CUBN: variants seen among roughly 807,000 people sequenced by gnomAD.
CUBN encodes cubilin.
Under a neutral mutation model 405.3 loss-of-function variants are expected in CUBN, and 282 were observed. The observed-to-expected ratio is 0.70, with a 90% CI of 0.63 to 0.77. The LOEUF is 0.77. Ranked by LOEUF, CUBN falls within the 30% of genes least tolerant of loss-of-function variation. The probability of loss-of-function intolerance (pLI) is 0.00; values close to 1 mark genes in which losing one functional copy is unlikely to be tolerated. For missense variants in CUBN, 4,514 were observed against 4,475.2 expected (o/e 1.01, Z -0.25); for synonymous variants, 1,684 against 1,617.0 (o/e 1.04, Z -0.99).
chr10:16,909,165 G>A (rs1402397906), intron 48 of CUBN, among the ~76,000 whole-genome samples: 6 of 152,122 alleles, frequency 3.9e-5, no homozygotes, highest in Non-Finnish European at 7.4e-5. Context: ...GATTACAGGC[G>A]TGAGCCACCG....
At chr10:16,834,948 G>A (rs1479685714) in intron 64 of CUBN, 66 bp downstream of exon 64, 3 of 1,459,346 alleles carry the variant, frequency 2.1e-6, no homozygotes, top group Non-Finnish European at 2.9e-6. Flanking sequence ...GATAAAAGGT[G>A]TAAAATCTTA....
intron 56 of CUBN, among the ~76,000 whole-genome samples, chr10:16,884,461 T>C (rs11254260): frequency 0.055 from 8,410 of 152,102 alleles, 772 homozygotes; most frequent in East Asian, 0.32. Flanking sequence ...AATTTTGGAC[T>C]GTTTAATATT....
chr10:16,901,485 A>G (rs750129049), intron 51 of CUBN, 26 bp from the exon 52 acceptor site: 21 of 1,613,856 alleles, frequency 1.3e-5, no homozygotes, highest in Non-Finnish European at 1.7e-5. Context: ...TAACCCTCTC[A>G]ATAAAACAGA....
chr10:17,111,005 T>G lies in CUBN; in HGVS notation c.929A>C (p.Glu310Ala), dbSNP rs1372338282. ...GYICEDINEC[E>A]INNGGCSVAP... ...CACAGAACAGCCGCCGTTATTTATC[T>G]CACATTCATTGATATCTTCGCAAAT... The change falls in exon 9 of 67, where the codon GAG becomes GCG. Residue 310 changes from glutamate (E) to alanine (A), a missense_variant. By Grantham distance (107) the Glu-to-Ala change is moderately radical. This residue lies in a region of CUBN where 1,448 missense variants were observed against 1,388.0 expected (regional missense o/e 1.04). Transcript: ENST00000377833. The G allele has an allele frequency of 3.1e-6, 5 of 1,614,170 alleles. No individual in the cohort carries two copies. The highest frequency in any genetic ancestry group is 4.2e-6 in the Non-Finnish European group (5 of 1,180,008).
intron 48 of CUBN, among the ~76,000 whole-genome samples, chr10:16,907,958 A>C (rs1386831326): frequency 6.6e-6 from 1 of 152,146 alleles, no homozygotes; most frequent in Non-Finnish European, 1.5e-5. Flanking sequence ...TGCAACTGGA[A>C]ACTGTGCTCT....
intron 65 of CUBN, among the ~76,000 whole-genome samples, chr10:16,829,343 A>G (rs577370422): frequency 9.2e-3 from 303 of 32,856 alleles, no homozygotes; most frequent in Middle Eastern, 0.027. Context: ...AGCAGAATGG[A>G]AAAAAAAAAA....
Position 16,994,850 on chromosome 10 carries a change from G to A in CUBN, c.4169-4335C>T, listed in dbSNP as rs117688784. Reference sequence around the variant, plus strand: ...CACACCTGTAATCCCAACACTTTAGGAGACCAAGGTGGGCAGATCACCTGA... The same window carrying A: ...CACACCTGTAATCCCAACACTTTAGAAGACCAAGGTGGGCAGATCACCTGA... On this transcript the variant is annotated intron_variant, in intron 28 of 66. Transcript: ENST00000377833. Among the ~76,000 whole-genome samples the A allele has an allele frequency of 2.0e-5, 3 of 152,254 alleles. No homozygotes were observed. In the East Asian group the frequency reaches 5.8e-4, roughly 29 times the overall value.
At chr10:16,841,816 G>T (rs1235594534) in intron 60 of CUBN, among the ~76,000 whole-genome samples, 2 of 148,776 alleles carry the variant, frequency 1.3e-5, no homozygotes, top group Admixed American at 1.4e-4. Context: ...GGGAGGCTGA[G>T]GCAGGAGAAT....
chr10:16,917,699 A>T (rs1841921270), intron 45 of CUBN, among the ~76,000 whole-genome samples: 1 of 152,200 alleles, frequency 6.6e-6, no homozygotes, highest in African/African-American at 2.4e-5. Flanking sequence ...AAGTTTACTA[A>T]GATTACTTTT....
intron 59 of CUBN, among the ~76,000 whole-genome samples, chr10:16,855,030 TTCTC>T (rs995269902): frequency 1.0e-4 from 14 of 135,472 alleles, no homozygotes; most frequent in African/African-American, 2.6e-4. Flanking sequence ...CTCTCTCTCT[TTCTC>T]TCTATCTCTC....
chr10:16,917,228 T>G (rs563244293), intron 45 of CUBN, among the ~76,000 whole-genome samples: 169 of 152,324 alleles, frequency 1.1e-3, no homozygotes, highest in African/African-American at 3.8e-3. Flanking sequence ...TAGAGTTACC[T>G]GGTTCTTAAA....
At chr10:16,925,905 G>A in intron 41 of CUBN, 131 bp from the exon 42 acceptor site, 1 of 778,444 alleles carries the variant, frequency 1.3e-6, no homozygotes, top group South Asian at 1.5e-5. Context: ...CCAGAGTGCA[G>A]GAAATGATTA....
chr10:16,850,766 C>T (rs971930493), intron 60 of CUBN, among the ~76,000 whole-genome samples: 7 of 152,198 alleles, frequency 4.6e-5, no homozygotes, highest in African/African-American at 1.7e-4. Context: ...AGCCACAGTG[C>T]CCAGCCTTTA....
chr10:17,084,434 G>A lies in CUBN; in HGVS notation c.2138C>T (p.Thr713Met), dbSNP rs141420691. The change falls in exon 17 of 67, where the codon ACG becomes ATG. Residue 713 changes from threonine to methionine, a missense_variant. Coordinates refer to ENST00000377833, the MANE Select transcript of CUBN (RefSeq NM_001081.4). ...PSDLRCGGNY[T>M]DPEGELFLPE... Reference sequence around the variant, plus strand: ...CAAGAAGAGTTCACCCTCTGGGTCCGTGTAGTTCCCACCACAACGCAGATC... The same window carrying A: ...CAAGAAGAGTTCACCCTCTGGGTCCATGTAGTTCCCACCACAACGCAGATC... The A allele has an allele frequency of 1.3e-4, 217 of 1,613,644 alleles. 1 individual carries two copies. In the Admixed American group the frequency reaches 2.1e-3, roughly 16 times the overall value.
At chr10:16,982,371 T>G in intron 31 of CUBN, 113 bp downstream of exon 31, 2 of 961,390 alleles carry the variant, frequency 2.1e-6, no homozygotes, top group Non-Finnish European at 3.3e-6. Flanking sequence ...TTTGGTTTCC[T>G]ATGAATCGAC....
At chr10:16,848,517 C>T (rs1381647152) in intron 60 of CUBN, among the ~76,000 whole-genome samples, 2 of 151,864 alleles carry the variant, frequency 1.3e-5, no homozygotes, top group South Asian at 2.1e-4. Context: ...GAAAAATTGA[C>T]GAAATGATGA....
At chr10:16,942,799 G>A (rs1183511271) in intron 36 of CUBN, among the ~76,000 whole-genome samples, 1 of 143,624 alleles carries the variant, frequency 7.0e-6, no homozygotes, top group Admixed American at 7.0e-5. Context: ...GAAGGGAAGG[G>A]AAGGGAAAAG....
chr10:17,040,385 C>CCTCCCAATT (rs1564490766), intron 27 of CUBN, among the ~76,000 whole-genome samples: 1 of 151,990 alleles, frequency 6.6e-6, no homozygotes, highest in Admixed American at 6.6e-5. Context: ...GCCAAAATAA[C>CCTCCCAATT]CTCCCAATTT....
At chr10:16,895,483 G>C (rs958608096) in intron 54 of CUBN, among the ~76,000 whole-genome samples, 1 of 152,152 alleles carries the variant, frequency 6.6e-6, no homozygotes, top group Admixed American at 6.5e-5. Context: ...ACTGAGAGGA[G>C]AGTGTTGAAG....
Sources: gnomAD v4.1 joint callset for allele counts (sites outside exome capture counted in the v4.1 genomes callset) on GRCh38, gnomAD v4.1.1 for gene constraint, gnomAD v4.1.1 regional missense constraint, MANE v1.5 for transcripts, NCBI Gene and HGNC (gene_info 2026-07-23, HGNC 2026-07-21) for gene names.